Variants in GPHN observed in about 807,000 individuals in gnomAD.
The protein encoded by GPHN is gephyrin.
In GPHN, 17 loss-of-function variants were observed where a neutral mutation model predicts 95.5. That is an observed-to-expected ratio of 0.18 (90% confidence interval 0.12 to 0.27). The LOEUF is 0.27. Among genes scored for constraint, GPHN ranks in the 10% least tolerant of loss-of-function variants. The pLI is 1.00. For missense variants in GPHN, 660 were observed against 978.1 expected (o/e 0.67, Z 4.34); for synonymous variants, 320 against 322.5 (o/e 0.99, Z 0.08).
intron 1 of GPHN, among the ~76,000 whole-genome samples, chr14:66,584,559 C>T (rs948068158): frequency 3.3e-5 from 5 of 151,892 alleles, no homozygotes; most frequent in African/African-American, 1.2e-4. Flanking sequence ...TGAGATATGT[C>T]CCATCAATAT....
intron 1 of GPHN, among the ~76,000 whole-genome samples, chr14:66,645,897 A>G (rs948896082): frequency 2.0e-5 from 3 of 152,072 alleles, no homozygotes; most frequent in African/African-American, 7.2e-5. Flanking sequence ...GTTAAAATGT[A>G]TGTACAGAGT....
chr14:67,059,516 A>T (rs1215191044), intron 11 of GPHN, among the ~76,000 whole-genome samples: 3 of 152,212 alleles, frequency 2.0e-5, no homozygotes, highest in Non-Finnish European at 4.4e-5. Flanking sequence ...TTATAAATAA[A>T]AAACTTTATA....
intron 15 of GPHN, 60 bp from the exon 16 acceptor site, chr14:67,112,958 C>G: frequency 2.0e-6 from 3 of 1,523,652 alleles, no homozygotes; most frequent in Non-Finnish European, 2.7e-6. Flanking sequence ...AAGTTTCCCT[C>G]TGAGTTGAGA....
At chr14:66,592,107 A>C (rs1207488661) in intron 1 of GPHN, among the ~76,000 whole-genome samples, 1 of 152,232 alleles carries the variant, frequency 6.6e-6, no homozygotes, top group African/African-American at 2.4e-5. Context: ...CATATGCATA[A>C]AAGTGAAACT....
chr14:67,628,810 C>T, the GPHN span, among the ~76,000 whole-genome samples: 3 of 152,162 alleles, frequency 2.0e-5, no homozygotes, highest in Non-Finnish European at 4.4e-5. Context: ...CTATGGAAAA[C>T]GGTATGGCAA....
At chr14:67,081,680 A>G (rs1375240034) in intron 11 of GPHN, among the ~76,000 whole-genome samples, 2 of 152,206 alleles carry the variant, frequency 1.3e-5, no homozygotes, top group Non-Finnish European at 2.9e-5. Context: ...GCCTAAGCCA[A>G]TGTCTAGAAG....
At chr14:67,208,059 A>G in the GPHN span, 1 of 1,263,970 alleles carries the variant, frequency 7.9e-7, no homozygotes, top group Non-Finnish European at 1.1e-6. Flanking sequence ...GTGCCATTCT[A>G]AGCCTCACTC....
intron 1 of GPHN, among the ~76,000 whole-genome samples, chr14:66,524,751 G>A (rs1358364233): frequency 3.9e-5 from 6 of 151,996 alleles, no homozygotes; most frequent in Non-Finnish European, 5.9e-5. Context: ...TGTGGTGTTT[G>A]GTTTTCTGTT....
chr14:66,793,512 A>G (rs1311995904), intron 3 of GPHN, among the ~76,000 whole-genome samples: 1 of 152,228 alleles, frequency 6.6e-6, no homozygotes, highest in Non-Finnish European at 1.5e-5. Context: ...CATAAATTAT[A>G]TAAGGTAATA....
chr14:67,096,042 A>G (rs1322621573), intron 12 of GPHN, among the ~76,000 whole-genome samples: 1 of 151,722 alleles, frequency 6.6e-6, no homozygotes, highest in Non-Finnish European at 1.5e-5. Flanking sequence ...CTGTATATTC[A>G]CAAGATCTCG....
At chr14:67,003,597 G>A (rs904883741) in intron 9 of GPHN, among the ~76,000 whole-genome samples, 1 of 151,670 alleles carries the variant, frequency 6.6e-6, no homozygotes, top group Non-Finnish European at 1.5e-5. Context: ...GGAAACTCTA[G>A]AAATTGGGAC....
intron 10 of GPHN, among the ~76,000 whole-genome samples, chr14:67,045,505 TTCTC>T (rs1384883066): frequency 3.3e-5 from 5 of 149,970 alleles, no homozygotes; most frequent in African/African-American, 1.2e-4. Flanking sequence ...GTCTTTGTCT[TTCTC>T]TGTCTGTCTC....
At chr14:67,415,748 C>A in the GPHN span, among the ~76,000 whole-genome samples, 2 of 152,144 alleles carry the variant, frequency 1.3e-5, no homozygotes, top group East Asian at 3.8e-4. Flanking sequence ...CAATGTTAGA[C>A]TGGATAAAGA....
the GPHN span, among the ~76,000 whole-genome samples, chr14:67,256,003 TA>T: frequency 1.3e-5 from 2 of 152,232 alleles, no homozygotes; most frequent in Non-Finnish European, 2.9e-5. Context: ...CTGACTTTAA[TA>T]AGTAATTGTA....
the GPHN span, among the ~76,000 whole-genome samples, chr14:67,288,847 C>T: frequency 1.1e-4 from 16 of 151,882 alleles, no homozygotes; most frequent in Non-Finnish European, 1.9e-4. Flanking sequence ...ATTCTAATGA[C>T]GGTTTTGACT....
At chr14:67,546,623 T>G in the GPHN span, among the ~76,000 whole-genome samples, 2 of 152,098 alleles carry the variant, frequency 1.3e-5, no homozygotes, top group South Asian at 4.1e-4. Flanking sequence ...CTCCCAACCT[T>G]AGGTGATCCA....
At chr14:67,049,367 A>G (rs1036298638) in intron 10 of GPHN, among the ~76,000 whole-genome samples, 5 of 151,892 alleles carry the variant, frequency 3.3e-5, no homozygotes, top group African/African-American at 4.8e-5. Flanking sequence ...AGCTGGGACT[A>G]CAGGCGCCCG....
rs1595313313 is a variant in GPHN at position 66,629,129 on chromosome 14, A to C, written c.65-51978A>C. Among the ~76,000 whole-genome samples the C allele has an allele frequency of 2.2e-5, 3 of 137,390 alleles. No homozygotes were observed. In the South Asian group the frequency reaches 6.5e-4, roughly 30 times the overall value. The allele number at this position is 137,390 out of a possible 152,430, so 90.1% of individuals were successfully genotyped here. On this transcript the variant is annotated intron_variant, in intron 1 of 22. Transcript: ENST00000478722. ...TTTATATACATATATAAATATGTAT[A>C]TAAATATATATTTATATACATATAT...
At chr14:66,683,306 G>C (rs1374569978) in intron 2 of GPHN, among the ~76,000 whole-genome samples, 1 of 34,164 alleles carries the variant, frequency 2.9e-5, no homozygotes, top group Non-Finnish European at 6.5e-5. Context: ...AAATCTTTTA[G>C]AGAAAGAAAT....
Sources: gnomAD v4.1 joint callset for allele counts (sites outside exome capture counted in the v4.1 genomes callset) on GRCh38, gnomAD v4.1.1 for gene constraint, MANE v1.5 for transcripts, NCBI Gene and HGNC (gene_info 2026-07-23, HGNC 2026-07-21) for gene names.